IFT70B: variants seen among roughly 807,000 people sequenced by gnomAD.
IFT70B encodes the protein intraflagellar transport protein 70B.
chr2:177,549,889 C>T, the IFT70B span: 3,707 of 152,302 alleles, frequency 0.024, 324 homozygotes, highest in Admixed American at 0.16. Flanking sequence ...GAATTAAGAA[C>T]TGAGAACTGG....
the IFT70B span, chr2:177,552,391 T>C: frequency 6.2e-7 from 1 of 1,613,958 alleles, no homozygotes; most frequent in Non-Finnish European, 8.5e-7. Flanking sequence ...TCGCCCTCGC[T>C]GTACTTGATA....
the IFT70B span, chr2:177,552,680 G>A: frequency 6.3e-7 from 1 of 1,596,212 alleles, no homozygotes; most frequent in Middle Eastern, 1.7e-4. Context: ...GCACCGCCTC[G>A]GCGTAGCGTG....
the IFT70B span, chr2:177,552,794 T>C: frequency 1.3e-6 from 2 of 1,490,058 alleles, no homozygotes; most frequent in Admixed American, 4.9e-5. Context: ...GTGCGGTTAC[T>C]ATGGCAACAG....
At chr2:177,551,987 A>G in the IFT70B span, 756 of 1,614,104 alleles carry the variant, frequency 4.7e-4, 1 homozygote, top group Middle Eastern at 1.3e-3. Context: ...GGTATTCTAT[A>G]GCTGCCTTAA....
At chr2:177,549,610 C>CT in the IFT70B span, 1 of 152,200 alleles carries the variant, frequency 6.6e-6, no homozygotes, top group Non-Finnish European at 1.5e-5. Flanking sequence ...TTGACAGTTA[C>CT]TTTTTGTGGG....
chr2:177,551,553 C>G, the IFT70B span: 7 of 1,614,214 alleles, frequency 4.3e-6, no homozygotes, highest in Non-Finnish European at 5.9e-6. Flanking sequence ...TTCATCATCT[C>G]TATTGTGTCT....
chr2:177,551,803 C>G, the IFT70B span: 2 of 1,614,248 alleles, frequency 1.2e-6, no homozygotes, highest in Non-Finnish European at 1.7e-6. Context: ...CCAAAAGTCT[C>G]TGGAGGAAAG....
At chr2:177,549,207 C>T in the IFT70B span, 1 of 152,178 alleles carries the variant, frequency 6.6e-6, no homozygotes, top group African/African-American at 2.4e-5. Flanking sequence ...GGTCACTAAA[C>T]ATTGCTTGTC....
the IFT70B span, chr2:177,552,703 G>A: frequency 6.3e-7 from 1 of 1,598,842 alleles, no homozygotes; most frequent in Non-Finnish European, 8.5e-7. Flanking sequence ...TTGCGGATGA[G>A]GCGGTACACG....
chr2:177,552,258 T>C, the IFT70B span: 3 of 1,614,256 alleles, frequency 1.9e-6, no homozygotes, highest in South Asian at 2.2e-5. Context: ...AGCTTCATAC[T>C]GTCCCTCCTT....
chr2:177,552,667 G>T, the IFT70B span: 1 of 1,591,998 alleles, frequency 6.3e-7, no homozygotes, highest in Admixed American at 1.8e-5. Flanking sequence ...CCGCCCAGCA[G>T]CTGCACCGCC....
At chr2:177,552,085 C>T in the IFT70B span, 9 of 1,614,248 alleles carry the variant, frequency 5.6e-6, no homozygotes, top group Non-Finnish European at 7.6e-6. Flanking sequence ...GTCATGCCCA[C>T]ACCTAGCTCA....
At chr2:177,552,679 C>T in the IFT70B span, 6 of 1,595,780 alleles carry the variant, frequency 3.8e-6, no homozygotes, top group Middle Eastern at 1.7e-4. Context: ...TGCACCGCCT[C>T]GGCGTAGCGT....
At chr2:177,551,068 G>A in the IFT70B span, 8 of 1,614,108 alleles carry the variant, frequency 5.0e-6, no homozygotes, top group African/African-American at 1.3e-5. Context: ...TTGATAACTC[G>A]AGAAATACCA....
the IFT70B span, chr2:177,551,896 G>A: frequency 9.3e-6 from 15 of 1,614,218 alleles, no homozygotes; most frequent in Admixed American, 1.7e-5. Flanking sequence ...TGGTTGTGTA[G>A]GGTCACAGGG....
the IFT70B span, chr2:177,552,696 CG>C: frequency 6.3e-7 from 1 of 1,598,266 alleles, no homozygotes; most frequent in Non-Finnish European, 8.5e-7. Flanking sequence ...GCGTGCATTG[CG>C]GATGAGGCGG....
the IFT70B span, chr2:177,552,467 G>C: frequency 1.2e-6 from 2 of 1,612,062 alleles, no homozygotes; most frequent in Admixed American, 3.3e-5. Context: ...AGGCGACCCG[G>C]GTGGCCTCCG....
At chr2:177,552,471 G>A in the IFT70B span, 3 of 1,611,766 alleles carry the variant, frequency 1.9e-6, no homozygotes, top group African/African-American at 2.7e-5. Flanking sequence ...GACCCGGGTG[G>A]CCTCCGCATA....
At chr2:177,550,213 C>T in the IFT70B span, 2 of 152,122 alleles carry the variant, frequency 1.3e-5, no homozygotes, top group African/African-American at 4.8e-5. Context: ...GTTAAGGCAA[C>T]AAAATTTTTT....
Sources: allele counts gnomAD v4.1 joint callset, GRCh38; gene constraint gnomAD v4.1.1; transcripts MANE v1.5; gene names NCBI Gene and HGNC (gene_info 2026-07-23, HGNC 2026-07-21).